The following DAB1 variants were observed in gnomAD, a reference collection of about 807,000 sequenced individuals.
DAB1 encodes the protein disabled homolog 1.
In DAB1, 15 loss-of-function variants were observed where a neutral mutation model predicts 64.6. That is an observed-to-expected ratio of 0.23 (90% CI 0.16 to 0.36). The LOEUF is 0.36. Ranked by LOEUF, DAB1 falls within the 10% of genes least tolerant of loss-of-function variation. DAB1 has a pLI of 1.00. For synonymous variants in DAB1, 235 were observed against 251.9 expected, an observed-to-expected ratio of 0.93 and a Z score of 0.64; for missense variants, 596 against 706.7, an observed-to-expected ratio of 0.84 and a Z score of 1.78.
intron 2 of DAB1, among the ~76,000 whole-genome samples, chr1:57,191,616 A>G (rs1373886081): frequency 6.6e-6 from 1 of 152,152 alleles, no homozygotes; most frequent in Non-Finnish European, 1.5e-5. Context: ...TCATCCTTCA[A>G]TGGGCTGTAC....
At chr1:58,093,678 C>A (rs1394942132) in intron 5 of DAB1, among the ~76,000 whole-genome samples, 2 of 147,946 alleles carry the variant, frequency 1.4e-5, no homozygotes, top group Non-Finnish European at 3.0e-5. Context: ...TTAAAGGGTG[C>A]AACCAAGGGT....
Position 57,772,261 on chromosome 1 carries a change from T to C in DAB1, n.551+111738A>G, listed in dbSNP as rs140935921. Among the ~76,000 whole-genome samples, 440 of 152,206 alleles carry C rather than the reference T, an allele frequency of 2.9e-3. 2 individuals carry two copies. Among genetic ancestry groups the C allele is most frequent in the African/African-American group, 0.01 (427 of 41,550 alleles). On this transcript the variant is annotated intron_variant and non_coding_transcript_variant, in intron 6 of 20. Transcript: ENST00000485760. ...CTGCAAGAAGACTCTCACCAGACCC[T>C]TGCATCTCAATTTTGGACTTCCCAG...
At chr1:58,149,387 C>A (rs765292546) in intron 5 of DAB1, among the ~76,000 whole-genome samples, 1 of 152,150 alleles carries the variant, frequency 6.6e-6, no homozygotes, top group Non-Finnish European at 1.5e-5. Flanking sequence ...TTCTATCTTG[C>A]AAGTGGGTGG....
chr1:57,850,452 GT>G (rs5774375), intron 1 of DAB1, among the ~76,000 whole-genome samples: 62,797 of 147,006 alleles, frequency 0.43, 13,434 homozygotes, highest in Non-Finnish European at 0.49. Context: ...AGATAATGTA[GT>G]TTTTTTTTTT....
In DAB1 at chr1:57,023,192, C is replaced by T. The variant is rs115639144; in HGVS notation, c.895+339G>A. 4.3e-3 allele frequency among the ~76,000 whole-genome samples: 654 copies of T among 152,344 alleles called. 5 individuals carry two copies. The highest frequency in any genetic ancestry group is 0.015 in the African/African-American group (609 of 41,578). ...AAAGCTGACTCCGTGTCCTCCCCTG[C>T]TTATTGCTTTCTCTCCTGGCAGAGG... On this transcript the variant is annotated intron_variant, in intron 11 of 14. Coordinates refer to ENST00000371236, the MANE Select transcript of DAB1 (RefSeq NM_001365792.1).
intron 1 of DAB1, among the ~76,000 whole-genome samples, chr1:57,853,466 T>A (rs928522999): frequency 6.6e-6 from 1 of 152,188 alleles, no homozygotes; most frequent in Non-Finnish European, 1.5e-5. Context: ...TCTACATTGA[T>A]CTTCAGTGAT....
chr1:58,033,907 T>G (rs944508140), intron 5 of DAB1, among the ~76,000 whole-genome samples: 1 of 152,174 alleles, frequency 6.6e-6, no homozygotes, highest in African/African-American at 2.4e-5. Flanking sequence ...AGTGCTATGA[T>G]ATCCAGGGAT....
intron 5 of DAB1, among the ~76,000 whole-genome samples, chr1:58,135,607 G>A (rs1653900405): frequency 6.6e-6 from 1 of 152,014 alleles, no homozygotes. Context: ...ATGTTGTGTG[G>A]TACTGAGGTT....
At chr1:57,094,450 C>T (rs1425030604) in intron 4 of DAB1, among the ~76,000 whole-genome samples, 3 of 152,126 alleles carry the variant, frequency 2.0e-5, no homozygotes, top group Non-Finnish European at 4.4e-5. Flanking sequence ...GATTTGGTTG[C>T]TGAAAGCATC....
chr1:57,493,612 C>T (rs1644192686), intron 7 of DAB1, among the ~76,000 whole-genome samples: 1 of 152,072 alleles, frequency 6.6e-6, no homozygotes, highest in African/African-American at 2.4e-5. Flanking sequence ...ATGGATGGAG[C>T]TGTGTATTAT....
At chr1:58,065,446 A>T (rs7527900) in intron 5 of DAB1, among the ~76,000 whole-genome samples, 18,015 of 152,230 alleles carry the variant, frequency 0.12, 1,163 homozygotes, top group East Asian at 0.2. Flanking sequence ...TGGATTTTTT[A>T]AAAAAGAGTC....
intron 5 of DAB1, among the ~76,000 whole-genome samples, chr1:57,967,279 A>C (rs1047791341): frequency 6.6e-6 from 1 of 152,160 alleles, no homozygotes; most frequent in Non-Finnish European, 1.5e-5. Context: ...ATGGGTAGTT[A>C]CTTGGTTACA....
chr1:57,033,628 T>C, intron 9 of DAB1: 2 of 1,518,774 alleles, frequency 1.3e-6, no homozygotes, highest in Non-Finnish European at 1.8e-6. Flanking sequence ...ACAAATGACA[T>C]GGATTTATGA....
chr1:58,147,983 G>A (rs76965671), intron 5 of DAB1, among the ~76,000 whole-genome samples: 698 of 113,028 alleles, frequency 6.2e-3, no homozygotes, highest in Non-Finnish European at 6.2e-3. Context: ...TATAGCTGGA[G>A]AAAAAAAAAA....
intron 11 of DAB1, among the ~76,000 whole-genome samples, chr1:57,019,122 C>G (rs1646530031): frequency 6.6e-6 from 1 of 152,210 alleles, no homozygotes; most frequent in Admixed American, 6.5e-5. Context: ...GTTGTTCTAT[C>G]TTCCCTGATG....
chr1:58,392,305 G>A (rs1353121257), intron 3 of DAB1, among the ~76,000 whole-genome samples: 3 of 152,256 alleles, frequency 2.0e-5, no homozygotes, highest in Admixed American at 6.5e-5. Context: ...AAGATGTAAC[G>A]GCTCTGCCAT....
At chr1:57,157,784 C>A (rs1660376889) in intron 2 of DAB1, among the ~76,000 whole-genome samples, 1 of 152,092 alleles carries the variant, frequency 6.6e-6, no homozygotes, top group African/African-American at 2.4e-5. Flanking sequence ...ATAATGGGGG[C>A]TAGAATTAGG....
chr1:57,428,974 A>G (rs1300165451), upstream of DAB1, among the ~76,000 whole-genome samples: 2 of 149,226 alleles, frequency 1.3e-5, no homozygotes, highest in African/African-American at 4.9e-5. Context: ...GTGTAGTGGT[A>G]CCATCATTGC....
chr1:57,629,999 G>T (rs1645969355), intron 7 of DAB1, among the ~76,000 whole-genome samples: 1 of 152,140 alleles, frequency 6.6e-6, no homozygotes, highest in Admixed American at 6.5e-5. Context: ...GGAAAAAGAT[G>T]AAAGGAGCAA....
Sources: gnomAD v4.1 joint callset for allele counts (sites outside exome capture counted in the v4.1 genomes callset) on GRCh38, gnomAD v4.1.1 for gene constraint, MANE v1.5 for transcripts, NCBI Gene and HGNC (gene_info 2026-07-23, HGNC 2026-07-21) for gene names.